TSNARE1: variants seen among roughly 807,000 people sequenced by gnomAD.
TSNARE1 encodes the protein t-SNARE domain-containing protein 1.
In TSNARE1, 49 loss-of-function variants were observed where a neutral mutation model predicts 62.0. The ratio of observed to expected loss-of-function variants is 0.79; its 90% CI spans 0.63 to 1.00. The LOEUF is 1.00. Among genes scored for constraint, TSNARE1 ranks in the 50% least tolerant of loss-of-function variants. The pLI is 0.00. For missense variants in TSNARE1, 755 were observed against 700.1 expected, an observed-to-expected ratio of 1.08 and a Z score of -0.88; for synonymous variants, 328 against 294.4, an observed-to-expected ratio of 1.11 and a Z score of -1.17.
At chr8:142,326,247 C>A (rs868225995) in intron 6 of TSNARE1, 9 of 158,714 alleles carry the variant, frequency 5.7e-5, no homozygotes, top group Middle Eastern at 1.4e-3. Flanking sequence ...GATGAGGAAC[C>A]AGCACCAGCG....
At chr8:142,231,035 C>G (rs887341193) in intron 12 of TSNARE1, among the ~76,000 whole-genome samples, 4 of 152,020 alleles carry the variant, frequency 2.6e-5, no homozygotes, top group Admixed American at 6.6e-5. Flanking sequence ...ATCTACCCAC[C>G]TATCCATCCA....
chr8:142,220,481 G>A (rs920826946), intron 13 of TSNARE1, among the ~76,000 whole-genome samples: 2 of 152,170 alleles, frequency 1.3e-5, no homozygotes, highest in Admixed American at 1.3e-4. Context: ...GAGAGCCACA[G>A]GAGACCTCGG....
chr8:142,276,737 G>C (rs1820567664), intron 11 of TSNARE1: 14 of 985,400 alleles, frequency 1.4e-5, no homozygotes, highest in Non-Finnish European at 1.7e-5. Flanking sequence ...ATCGTAGTGT[G>C]TGACCTGGAG....
At chr8:142,350,602 G>A (rs1005292200) in intron 2 of TSNARE1, among the ~76,000 whole-genome samples, 1 of 147,288 alleles carries the variant, frequency 6.8e-6, no homozygotes. Flanking sequence ...CTGCAGTAGA[G>A]GTTCCAGCCA....
chr8:142,272,788 G>A (rs1374099619), intron 12 of TSNARE1: 1 of 957,416 alleles, frequency 1.0e-6, no homozygotes, highest in Non-Finnish European at 1.2e-6. Context: ...CAGACACCTG[G>A]TCCCTCCTGA....
At chr8:142,258,466 C>A (rs1818698588) in intron 12 of TSNARE1, among the ~76,000 whole-genome samples, 1 of 148,538 alleles carries the variant, frequency 6.7e-6, no homozygotes, top group African/African-American at 2.5e-5. Flanking sequence ...CAGTCAGCTG[C>A]AGAACTTGTG....
intron 12 of TSNARE1, among the ~76,000 whole-genome samples, chr8:142,232,305 C>T (rs1817158176): frequency 2.0e-5 from 3 of 152,262 alleles, no homozygotes; most frequent in Non-Finnish European, 2.9e-5. Context: ...TGGCCTCATA[C>T]TCCTCTTCAG....
Position 142,352,599 on chromosome 8 carries a change from C to T in TSNARE1, c.88+2038G>A, listed in dbSNP as rs148561906. On this transcript the variant is annotated intron_variant, in intron 2 of 13. Coordinates refer to ENST00000524325, the MANE Select transcript of TSNARE1 (RefSeq NM_145003.5). Reference sequence around the variant, plus strand: ...GCTCACAGAACCCAACGTGATGCAGCGCGGAATCGAAGGAGCCACAGCCAC... The same window carrying T: ...GCTCACAGAACCCAACGTGATGCAGTGCGGAATCGAAGGAGCCACAGCCAC... Among the ~76,000 whole-genome samples, 823 of 152,384 alleles carry T rather than the reference C, an allele frequency of 5.4e-3. 5 individuals carry two copies. The highest frequency in any genetic ancestry group is 0.013 in the Admixed American group (193 of 15,306).
intron 11 of TSNARE1, chr8:142,279,954 G>GGGGCGGGGCCGCCCTCCGCCCA (rs1821137504): frequency 1.8e-6 from 2 of 1,107,358 alleles, no homozygotes; most frequent in Non-Finnish European, 2.2e-6. Flanking sequence ...GGAGGAGGCC[G>GGGGCGGGGCCGCCCTCCGCCCA]GGGGCGGGGC....
intron 11 of TSNARE1, among the ~76,000 whole-genome samples, chr8:142,280,961 C>A (rs946104042): frequency 6.6e-6 from 1 of 152,188 alleles, no homozygotes; most frequent in Non-Finnish European, 1.5e-5. Flanking sequence ...CCTGGCCCAG[C>A]CCCGCCCCAG....
In TSNARE1 at chr8:142,274,773, G is replaced by T; in HGVS notation, c.1446+8C>A. Reference sequence around the variant, plus strand: ...CGGCCGGGCACTGTGGCCCTCACACGGACTTACTTGGTGCCGGCTGGCTCC... The same window carrying T: ...CGGCCGGGCACTGTGGCCCTCACACTGACTTACTTGGTGCCGGCTGGCTCC... On this transcript the variant is annotated splice_region_variant and intron_variant, in intron 12 of 13. Coordinates refer to ENST00000524325, the MANE Select transcript of TSNARE1 (RefSeq NM_145003.5). The T allele has an allele frequency of 6.4e-7, 1 of 1,551,392 alleles. No individual in the cohort carries two copies. Among genetic ancestry groups the T allele is most frequent in the South Asian group, 1.2e-5 (1 of 82,912 alleles).
chr8:142,313,546 T>C (rs1397732244), intron 9 of TSNARE1, among the ~76,000 whole-genome samples: 2 of 152,198 alleles, frequency 1.3e-5, no homozygotes, highest in Non-Finnish European at 2.9e-5. Context: ...GGTCTGCATG[T>C]CTGTTTACCT....
At chr8:142,257,416 A>G (rs1474433283) in intron 12 of TSNARE1, among the ~76,000 whole-genome samples, 3 of 152,090 alleles carry the variant, frequency 2.0e-5, no homozygotes, top group Non-Finnish European at 4.4e-5. Context: ...CCTGGACTGG[A>G]CAGGATGTCA....
intron 1 of TSNARE1, among the ~76,000 whole-genome samples, chr8:142,374,514 T>C (rs887825203): frequency 6.6e-6 from 1 of 150,956 alleles, no homozygotes; most frequent in Non-Finnish European, 1.5e-5. Flanking sequence ...CCGTCTCTAC[T>C]AAAAATACAA....
At chr8:142,367,826 G>A (rs780416147) in intron 1 of TSNARE1, among the ~76,000 whole-genome samples, 9 of 152,094 alleles carry the variant, frequency 5.9e-5, no homozygotes, top group Non-Finnish European at 8.8e-5. Flanking sequence ...TGATAAATGC[G>A]GCATCACAAA....
intron 12 of TSNARE1, among the ~76,000 whole-genome samples, chr8:142,245,220 A>G (rs910968005): frequency 1.3e-5 from 2 of 152,242 alleles, no homozygotes; most frequent in African/African-American, 4.8e-5. Context: ...GAGCTCGTCT[A>G]CTGCTGGTGA....
At chr8:142,225,061 A>C (rs556303782) in intron 13 of TSNARE1, among the ~76,000 whole-genome samples, 1 of 152,052 alleles carries the variant, frequency 6.6e-6, no homozygotes, top group South Asian at 2.1e-4. Flanking sequence ...CCTACATCCA[A>C]ACTGCCAGGA....
intron 13 of TSNARE1, among the ~76,000 whole-genome samples, chr8:142,224,076 T>C (rs1816665508): frequency 6.6e-6 from 1 of 152,210 alleles, no homozygotes; most frequent in Non-Finnish European, 1.5e-5. Context: ...CTCATCCTGG[T>C]GTGCAGGGTC....
At chr8:142,332,386 C>T (rs1403308528) in intron 4 of TSNARE1, among the ~76,000 whole-genome samples, 3 of 152,068 alleles carry the variant, frequency 2.0e-5, no homozygotes, top group Non-Finnish European at 2.9e-5. Flanking sequence ...AGGACAGAGC[C>T]AGGGCAGGGG....
Sources: gnomAD v4.1 joint callset for allele counts (sites outside exome capture counted in the v4.1 genomes callset) on GRCh38, gnomAD v4.1.1 for gene constraint, MANE v1.5 for transcripts, NCBI Gene and HGNC (gene_info 2026-07-23, HGNC 2026-07-21) for gene names.